Variants in PTPRM observed in about 807,000 individuals in gnomAD.
The protein encoded by PTPRM is protein tyrosine phosphatase receptor type M, also known as receptor-type tyrosine-protein phosphatase mu.
PTPRM carries 47 observed loss-of-function variants against 186.7 expected under a neutral mutation model. The ratio of observed to expected loss-of-function variants is 0.25; its 90% CI spans 0.20 to 0.32. PTPRM has a LOEUF of 0.32. Ranked by LOEUF, PTPRM falls within the 10% of genes least tolerant of loss-of-function variation. The probability of loss-of-function intolerance (pLI) is 1.00; values close to 1 mark genes in which losing one functional copy is unlikely to be tolerated. For synonymous variants in PTPRM, 668 were observed against 674.9 expected, an observed-to-expected ratio of 0.99 and a Z score of 0.16; for missense variants, 1,494 against 1,865.0, an observed-to-expected ratio of 0.80 and a Z score of 3.66.
chr18:7,841,642 A>C (rs1023539125), intron 2 of PTPRM, among the ~76,000 whole-genome samples: 1 of 152,158 alleles, frequency 6.6e-6, no homozygotes, highest in Non-Finnish European at 1.5e-5. Context: ...TTATTCAGAG[A>C]GTATGTACAG....
At chr18:8,042,612 A>C (rs750245416) in intron 7 of PTPRM, among the ~76,000 whole-genome samples, 1 of 151,468 alleles carries the variant, frequency 6.6e-6, no homozygotes, top group Non-Finnish European at 1.5e-5. Flanking sequence ...ATAACCTCTG[A>C]CTCCTTCTCC....
At position 7,835,849 on chromosome 18, in the gene PTPRM, T is replaced by C. The variant is rs112004246; in HGVS notation, c.197-52257T>C. Among the ~76,000 whole-genome samples, 223 of 139,284 alleles carry C rather than the reference T, an allele frequency of 1.6e-3. 9 individuals carry two copies. The South Asian group carries it at 0.046, about 29-fold the overall frequency. The allele number at this position is 139,284 out of a possible 152,430, so 91.4% of individuals were successfully genotyped here. A position where few individuals can be genotyped will look rare whatever the true frequency, so the allele number is the denominator to read the frequency against. On this transcript the variant is annotated intron_variant, in intron 2 of 32. Coordinates refer to ENST00000580170, the MANE Select transcript of PTPRM (RefSeq NM_001105244.2). ...CTTCTTTGTCTCTTAAAGTTTTTTT[T>C]GTTTTGTTTTGTTTTGTTTTGTTTT...
At chr18:8,054,608 CTG>C (rs1006646843) in intron 7 of PTPRM, among the ~76,000 whole-genome samples, 3 of 151,976 alleles carry the variant, frequency 2.0e-5, no homozygotes, top group African/African-American at 7.2e-5. Flanking sequence ...TCTTACAACA[CTG>C]TAACTCTGAG....
chr18:7,676,688 TGC>T (rs1555650430), intron 1 of PTPRM, among the ~76,000 whole-genome samples: 7 of 150,088 alleles, frequency 4.7e-5, no homozygotes, highest in Admixed American at 2.0e-4. Context: ...TGTGTGTGTG[TGC>T]GCGTGCACGC....
chr18:8,148,442 G>A (rs2092931679), intron 14 of PTPRM, among the ~76,000 whole-genome samples: 1 of 152,134 alleles, frequency 6.6e-6, no homozygotes, highest in South Asian at 2.1e-4. Context: ...GCATAGAGGT[G>A]TTTATAGTAT....
intron 1 of PTPRM, among the ~76,000 whole-genome samples, chr18:7,637,773 A>T (rs184879162): frequency 6.6e-4 from 101 of 152,330 alleles, no homozygotes; most frequent in African/African-American, 2.4e-3. Context: ...GAGTACAAAT[A>T]TTGAATACTA....
intron 1 of PTPRM, among the ~76,000 whole-genome samples, chr18:7,772,383 CTTTCTTTCTTTCTTTCTTTCTTTCTTTCT>C (rs2042344325): frequency 8.3e-6 from 1 of 120,898 alleles, no homozygotes; most frequent in Non-Finnish European, 1.8e-5. Context: ...TTCTTTCTTT[CTTTCTTTCTTTCTTTCTTTCTTTCTTTCT>C]TTTCTTTCTT....
At chr18:8,267,902 G>C (rs1662849476) in intron 19 of PTPRM, among the ~76,000 whole-genome samples, 1 of 152,070 alleles carries the variant, frequency 6.6e-6, no homozygotes, top group Non-Finnish European at 1.5e-5. Flanking sequence ...TACTGACCAG[G>C]TGAAAATTTT....
chr18:7,687,870 C>T lies in PTPRM; in HGVS notation c.74-86279C>T, dbSNP rs917027109. On this transcript the variant is annotated intron_variant, in intron 1 of 32. Transcript: ENST00000580170. Reference sequence around the variant, plus strand: ...TCGGCTCACTGCAACCTCCGCCTCCCGGGTTCAAGTGATTGTCCTGCTTCA... The same window carrying T: ...TCGGCTCACTGCAACCTCCGCCTCCTGGGTTCAAGTGATTGTCCTGCTTCA... Among the ~76,000 whole-genome samples, 13 of 151,758 alleles carry T rather than the reference C, an allele frequency of 8.6e-5. 1 individual carries two copies. Among genetic ancestry groups the T allele is most frequent in the East Asian group, 1.9e-4 (1 of 5,138 alleles).
intron 2 of PTPRM, among the ~76,000 whole-genome samples, chr18:7,784,288 A>G (rs1047222970): frequency 5.9e-5 from 9 of 152,202 alleles, no homozygotes; most frequent in African/African-American, 2.2e-4. Context: ...GAATTGGGTC[A>G]TTCTTGTCAT....
At chr18:7,706,618 A>AAC (rs1555655516) in intron 1 of PTPRM, among the ~76,000 whole-genome samples, 4 of 148,950 alleles carry the variant, frequency 2.7e-5, no homozygotes, top group African/African-American at 9.9e-5. Flanking sequence ...AAAAAAAAAA[A>AAC]AAAAAAAAAA....
intron 1 of PTPRM, among the ~76,000 whole-genome samples, chr18:7,667,822 GC>G (rs1244121003): frequency 6.6e-6 from 1 of 152,096 alleles, no homozygotes; most frequent in African/African-American, 2.4e-5. Context: ...AAGTTGCAAG[GC>G]TACATATAAA....
At chr18:8,247,333 A>G (rs1339293619) in intron 15 of PTPRM, among the ~76,000 whole-genome samples, 1 of 152,202 alleles carries the variant, frequency 6.6e-6, no homozygotes, top group East Asian at 1.9e-4. Flanking sequence ...AGGATTTAAA[A>G]TACTAAGGAA....
At chr18:8,226,905 T>G (rs2094220528) in intron 14 of PTPRM, among the ~76,000 whole-genome samples, 1 of 152,162 alleles carries the variant, frequency 6.6e-6, no homozygotes, top group Non-Finnish European at 1.5e-5. Flanking sequence ...TTGTGGCCCC[T>G]TCCTCATCTC....
At chr18:8,181,559 G>T (rs1040095099) in intron 14 of PTPRM, among the ~76,000 whole-genome samples, 3 of 152,196 alleles carry the variant, frequency 2.0e-5, no homozygotes, top group African/African-American at 4.8e-5. Flanking sequence ...CCAAACAAAT[G>T]ACCAAGTGCC....
intron 2 of PTPRM, among the ~76,000 whole-genome samples, chr18:7,841,323 G>A (rs563498647): frequency 3.4e-5 from 4 of 117,408 alleles, no homozygotes; most frequent in Admixed American, 1.3e-4. Flanking sequence ...ACGGAGTCTC[G>A]CTCTGTCACC....
At chr18:7,918,152 A>G (rs1599495546) in intron 4 of PTPRM, among the ~76,000 whole-genome samples, 1 of 151,982 alleles carries the variant, frequency 6.6e-6, no homozygotes, top group East Asian at 1.9e-4. Flanking sequence ...ATGGACACTT[A>G]GGATGACTCC....
intron 14 of PTPRM, among the ~76,000 whole-genome samples, chr18:8,147,174 A>G (rs1194226813): frequency 2.0e-5 from 3 of 152,158 alleles, no homozygotes; most frequent in Non-Finnish European, 4.4e-5. Context: ...GTTTTTTCCA[A>G]TTCTATGAAG....
intron 1 of PTPRM, among the ~76,000 whole-genome samples, chr18:7,659,018 T>G (rs1684005666): frequency 6.6e-6 from 1 of 152,022 alleles, no homozygotes; most frequent in Admixed American, 6.6e-5. Flanking sequence ...CAGCTACCAT[T>G]TCCATATTCA....
Sources: allele counts gnomAD v4.1 joint callset (sites outside exome capture counted in the v4.1 genomes callset), GRCh38; gene constraint gnomAD v4.1.1; transcripts MANE v1.5; gene names NCBI Gene and HGNC (gene_info 2026-07-23, HGNC 2026-07-21).